The following NPHS2 variants were observed in gnomAD, a reference collection of about 807,000 sequenced individuals.
NPHS2 encodes podocin.
NPHS2 carries 36 observed loss-of-function variants against 37.1 expected under a neutral mutation model. The observed-to-expected ratio is 0.97, with a 90% confidence interval of 0.74 to 1.28. The LOEUF (loss-of-function observed/expected upper bound fraction) is 1.28, where lower values mean the gene tolerates loss of function less well. Ranked by LOEUF, NPHS2 falls within the 50% of genes most tolerant of loss-of-function variation. NPHS2 has a pLI of 0.00. For synonymous variants in NPHS2, 196 were observed against 189.3 expected (o/e 1.04, Z -0.29); for missense variants, 447 against 488.1 (o/e 0.92, Z 0.79).
chr1:179,567,643 T>C (rs985841086), intron 1 of NPHS2, among the ~76,000 whole-genome samples: 7 of 152,168 alleles, frequency 4.6e-5, no homozygotes, highest in African/African-American at 1.4e-4. Context: ...TGTCTTGTGC[T>C]GGTTTTCAAA....
intron 1 of NPHS2, among the ~76,000 whole-genome samples, chr1:179,574,191 G>T (rs1175296601): frequency 1.3e-5 from 2 of 152,140 alleles, no homozygotes; most frequent in Admixed American, 6.5e-5. Flanking sequence ...GGCCCAAAAA[G>T]GTGCCCAAGG....
intron 7 of NPHS2, 66 bp downstream of exon 7, chr1:179,552,536 AG>A: frequency 8.0e-7 from 1 of 1,246,568 alleles, no homozygotes; most frequent in Non-Finnish European, 1.2e-6. Context: ...AAGGAAGCAA[AG>A]GGGAAATGTT....
At chr1:179,568,403 T>C (rs866333804) in intron 1 of NPHS2, among the ~76,000 whole-genome samples, 48 of 152,132 alleles carry the variant, frequency 3.2e-4, no homozygotes, top group African/African-American at 1.0e-3. Context: ...GGTGATATCC[T>C]CTTTATCATT....
chr1:179,552,086 A>T (rs1572259384), intron 7 of NPHS2: 2 of 168,074 alleles, frequency 1.2e-5, no homozygotes, highest in Admixed American at 1.1e-4. Flanking sequence ...CCTCACCCAC[A>T]CCTCAGTTAC....
chr1:179,551,749 AG>A (rs1673315455), intron 7 of NPHS2: 1 of 396,770 alleles, frequency 2.5e-6, no homozygotes, highest in African/African-American at 2.0e-5. Flanking sequence ...CATAGAGAAA[AG>A]ATTAGCCAGC....
chr1:179,554,731 T>C (rs1237114150), intron 5 of NPHS2, 200 bp from the exon 6 acceptor site: 5 of 679,972 alleles, frequency 7.4e-6, no homozygotes, highest in Non-Finnish European at 1.0e-5. Flanking sequence ...ATCTGTGCAA[T>C]TGAAGATGGT....
Position 179,565,145 on chromosome 1 carries a change from G to A in NPHS2, c.275-352C>T, listed in dbSNP as rs181717954. ...AAAAACTAGCTGGGTATGGTGGTGC[G>A]TGCCTGTAGTTCCAGCTACGCAGGA... is the stretch of plus-strand genomic sequence containing the variant. On this transcript the variant is annotated intron_variant, in intron 1 of 7. Transcript: ENST00000367615. Among the ~76,000 whole-genome samples the A allele has an allele frequency of 1.1e-4, 16 of 152,210 alleles. No homozygotes were observed. The South Asian group carries it at 1.7e-3, about 16-fold the overall frequency.
chr1:179,574,014 A>G (rs746931402), intron 1 of NPHS2, among the ~76,000 whole-genome samples: 6 of 152,014 alleles, frequency 3.9e-5, no homozygotes, highest in Non-Finnish European at 8.8e-5. Flanking sequence ...TGCCTTTGGG[A>G]GTGTGGTGCT....
At chr1:179,567,444 T>G (rs111236249) in intron 1 of NPHS2, among the ~76,000 whole-genome samples, 44 of 152,328 alleles carry the variant, frequency 2.9e-4, no homozygotes, top group African/African-American at 8.9e-4. Context: ...TGAAGTTGCT[T>G]ATCAGCTTAA....
intron 1 of NPHS2, among the ~76,000 whole-genome samples, chr1:179,568,081 G>A (rs1286013026): frequency 3.9e-5 from 6 of 152,102 alleles, no homozygotes; most frequent in Admixed American, 3.3e-4. Context: ...ATGAGTTAGG[G>A]AGGATTCCCT....
In NPHS2 at chr1:179,575,497, T is replaced by C. The variant is rs890995150; in HGVS notation, c.274+94A>G. ...GAGCATCCAGCAATCTGCTCTGGCT[T>C]CAGTGGGTCTCGTGGGGATGACCCT... On this transcript the variant is annotated intron_variant, in intron 1 of 7. Coordinates refer to ENST00000367615, the MANE Select transcript of NPHS2 (RefSeq NM_014625.4). 4.6e-6 allele frequency: 7 copies of C among 1,536,014 alleles called. No individual in the cohort carries two copies. In the Admixed American group the frequency reaches 8.9e-5, roughly 20 times the overall value.
intron 3 of NPHS2, 47 bp downstream of exon 3, chr1:179,561,242 G>T: frequency 7.5e-7 from 1 of 1,331,462 alleles, no homozygotes; most frequent in Non-Finnish European, 1.1e-6. Context: ...TGAAGAAATT[G>T]GCAAGTCAGG....
chr1:179,575,769 G>C lies in NPHS2; in HGVS notation c.96C>G (p.Ser32Arg). Residue 32 changes from serine to arginine, a missense_variant, in exon 1 of 8, where the codon AGC becomes AGG. Ser to Arg is a moderately radical substitution (Grantham distance 110). Transcript: ENST00000367615. ...CCTCCTGGCGCCCGCGGCCTCCGCC[G>C]CTCCTCTCGGCCTTTGCCCTCTTGT... is the stretch of plus-strand genomic sequence containing the variant. ...KENKRAKAER[S>R]GGGRGRQEAG... The C allele has an allele frequency of 6.7e-7, 1 of 1,496,110 alleles. No homozygotes were observed. Among genetic ancestry groups the C allele is most frequent in the Admixed American group, 2.3e-5 (1 of 43,828 alleles). The allele number at this position is 1,496,110 out of a possible 1,614,324, so 92.7% of individuals were successfully genotyped here. A position where few individuals can be genotyped will look rare whatever the true frequency, so the allele number is the denominator to read the frequency against.
At position 179,564,689 on chromosome 1, in the gene NPHS2, C is replaced by T. The variant is rs762631237; in HGVS notation, c.378+1G>A. 1.2e-6 allele frequency: 2 copies of T among 1,613,412 alleles called. No homozygotes were observed. The highest frequency in any genetic ancestry group is 2.2e-5 in the East Asian group (1 of 44,858). On this transcript the variant is annotated splice_donor_variant, in intron 2 of 7. Coordinates refer to ENST00000367615, the MANE Select transcript of NPHS2 (RefSeq NM_014625.4). LOFTEE classifies it high-confidence loss of function. ...CCTATTGGGTCCTTATGGAATCTCA[C>T]CTTTACGCAGAACCAGATGGAAAAA...
At chr1:179,553,295 A>G (rs1451728898) in intron 6 of NPHS2, among the ~76,000 whole-genome samples, 1 of 152,224 alleles carries the variant, frequency 6.6e-6, no homozygotes. Flanking sequence ...TTCACTCAAA[A>G]ACTTGCAAAT....
At chr1:179,569,470 A>G (rs564251760) in intron 1 of NPHS2, among the ~76,000 whole-genome samples, 9 of 152,256 alleles carry the variant, frequency 5.9e-5, no homozygotes, top group Admixed American at 5.9e-4. Context: ...AATACAGCAC[A>G]CCGATGGGTC....
rs552618924 is a variant in NPHS2 at position 179,554,418 on chromosome 1, A to G, written c.794+58T>C. 593 of 1,607,388 alleles carry G rather than the reference A, an allele frequency of 3.7e-4. 12 individuals are homozygous for G. In the South Asian group the frequency reaches 6.1e-3, roughly 17 times the overall value. ...TAATTTTTCAAATGAAAAATTTAAA[A>G]TGAAACCAGAATATTTTCCTTTATC... On this transcript the variant is annotated intron_variant, in intron 6 of 7. Coordinates refer to ENST00000367615, the MANE Select transcript of NPHS2 (RefSeq NM_014625.4).
At chr1:179,552,152 G>A (rs1363985953) in intron 7 of NPHS2, 6 of 193,690 alleles carry the variant, frequency 3.1e-5, no homozygotes, top group South Asian at 1.1e-4. Context: ...GAGTGGAGCC[G>A]AGTAGCACAG....
intron 7 of NPHS2, 62 bp from the exon 8 acceptor site, chr1:179,551,513 T>C: frequency 3.1e-6 from 5 of 1,596,068 alleles, no homozygotes; most frequent in Non-Finnish European, 3.4e-6. Flanking sequence ...TTCACCACTA[T>C]GCAGTATGAC....
Sources: allele counts gnomAD v4.1 joint callset (sites outside exome capture counted in the v4.1 genomes callset), GRCh38; gene constraint gnomAD v4.1.1; transcripts MANE v1.5; gene names NCBI Gene and HGNC (gene_info 2026-07-23, HGNC 2026-07-21).